ANKRD11: variants seen among roughly 807,000 people sequenced by gnomAD.
ANKRD11 encodes the protein ankyrin repeat domain 11, also known as ankyrin repeat domain-containing protein 11.
Under a neutral mutation model 195.7 loss-of-function variants are expected in ANKRD11, and 17 were observed. The observed-to-expected ratio is 0.09, with a 90% CI of 0.06 to 0.13. The LOEUF is 0.13. ANKRD11 is among the 10% of genes least tolerant of loss of function. ANKRD11 has a pLI of 1.00. For missense variants in ANKRD11, 3,735 were observed against 3,566.1 expected, an observed-to-expected ratio of 1.05 and a Z score of -1.21; for synonymous variants, 1,953 against 1,528.1, an observed-to-expected ratio of 1.28 and a Z score of -6.49.
chr16:89,430,715 T>TGA (rs1157345671), intron 1 of ANKRD11, among the ~76,000 whole-genome samples: 2 of 152,230 alleles, frequency 1.3e-5, no homozygotes, highest in Non-Finnish European at 2.9e-5. Context: ...TCCCCTATCT[T>TGA]GAAACACTAC....
chr16:89,279,970 G>A lies in ANKRD11; in HGVS notation c.6572C>T (p.Pro2191Leu), dbSNP rs749486628. The A allele has an allele frequency of 1.9e-6, 3 of 1,610,640 alleles. No homozygotes were observed. The highest frequency in any genetic ancestry group is 1.3e-5 in the African/African-American group (1 of 74,928). ...TVVAEEPPAL[P>L]PDQASTRLPA... ...GAGCCGGGTGGAGGCCTGGTCAGGA[G>A]GCAGTGCCGGCGGCTCCTCAGCCAC... Residue 2191 changes from proline (P) to leucine (L), a missense_variant, in exon 9 of 13, where the codon CCT becomes CTT. Coordinates refer to ENST00000301030, the MANE Select transcript of ANKRD11 (RefSeq NM_013275.6). This position sits in a 1 kb window ranked among gnomAD's most constrained non-coding sequence, Gnocchi z 5.6.
chr16:89,301,728 C>T (rs983137377), intron 4 of ANKRD11: 1 of 398,418 alleles, frequency 2.5e-6, no homozygotes, highest in Non-Finnish European at 4.4e-6. Context: ...TGCACAGCCT[C>T]GGGGACTGCT....
chr16:89,313,327 G>C, intron 3 of ANKRD11: 1 of 1,287,318 alleles, frequency 7.8e-7, no homozygotes, highest in Non-Finnish European at 1.0e-6. Context: ...CTTTGGATCA[G>C]AACACACTCA....
chr16:89,417,492 A>AAAG, intron 2 of ANKRD11, among the ~76,000 whole-genome samples: 1 of 152,184 alleles, frequency 6.6e-6, no homozygotes, highest in African/African-American at 2.4e-5. Context: ...AGCCAAGGCC[A>AAAG]AAGTCTTTTT....
intron 1 of ANKRD11, among the ~76,000 whole-genome samples, chr16:89,465,463 G>T (rs1452645020): frequency 2.0e-5 from 3 of 152,158 alleles, no homozygotes; most frequent in Non-Finnish European, 4.4e-5. Flanking sequence ...CACTCTTGCC[G>T]TGAAGAGCAG....
intron 2 of ANKRD11, among the ~76,000 whole-genome samples, chr16:89,349,134 T>A (rs76998839): frequency 0.022 from 364 of 16,530 alleles, no homozygotes; most frequent in Middle Eastern, 0.14. Context: ...TCTCAAAAAG[T>A]AAAAAAAAAA....
chr16:89,488,632 G>C (rs1209357789), intron 1 of ANKRD11, among the ~76,000 whole-genome samples: 1 of 152,144 alleles, frequency 6.6e-6, no homozygotes, highest in African/African-American at 2.4e-5. Context: ...GACTAGGTCT[G>C]CACACAACAA....
At chr16:89,288,075 G>C in intron 7 of ANKRD11, 1 of 565,688 alleles carries the variant, frequency 1.8e-6, no homozygotes, top group Non-Finnish European at 3.1e-6. Flanking sequence ...CTCCTGGGCC[G>C]GCCACAATGG....
intron 2 of ANKRD11, among the ~76,000 whole-genome samples, chr16:89,328,655 G>A (rs186686329): frequency 6.1e-4 from 91 of 148,186 alleles, no homozygotes; most frequent in African/African-American, 2.3e-3. Context: ...CGAAATCAGC[G>A]GAGGCCCCTG....
At chr16:89,408,656 G>A (rs865938369) in intron 2 of ANKRD11, among the ~76,000 whole-genome samples, 2 of 151,434 alleles carry the variant, frequency 1.3e-5, no homozygotes, top group Non-Finnish European at 2.9e-5. Flanking sequence ...GCCCCTCCTC[G>A]CACCCCCTGC....
chr16:89,483,915 C>T (rs2057524167), intron 1 of ANKRD11, among the ~76,000 whole-genome samples: 1 of 151,508 alleles, frequency 6.6e-6, no homozygotes, highest in African/African-American at 2.4e-5. Context: ...CTCAAAGTAA[C>T]AAAAATATCT....
At chr16:89,487,833 C>A (rs1407037450) in intron 1 of ANKRD11, among the ~76,000 whole-genome samples, 1 of 152,156 alleles carries the variant, frequency 6.6e-6, no homozygotes. Flanking sequence ...TACTGTCCAA[C>A]ACAAACAGCA....
At chr16:89,388,035 G>A (rs2041001429) in intron 2 of ANKRD11, among the ~76,000 whole-genome samples, 1 of 151,370 alleles carries the variant, frequency 6.6e-6, no homozygotes, top group Non-Finnish European at 1.5e-5. Context: ...AAAGGACTGT[G>A]CTCATCTGTT....
chr16:89,352,617 T>C (rs1454663066), intron 2 of ANKRD11, among the ~76,000 whole-genome samples: 2 of 152,128 alleles, frequency 1.3e-5, no homozygotes, highest in African/African-American at 4.8e-5. Flanking sequence ...CTGTGGTAGA[T>C]CTTTGAAGGG....
In ANKRD11 at chr16:89,429,090, T is replaced by C. The variant is rs115682650; in HGVS notation, c.-144-10722A>G. 2.7e-3 allele frequency among the ~76,000 whole-genome samples: 400 copies of C among 149,868 alleles called. 4 individuals are homozygous for C. The highest frequency in any genetic ancestry group is 8.7e-3 in the African/African-American group (348 of 40,076). On this transcript the variant is annotated intron_variant, in intron 1 of 12. Transcript: ENST00000301030. ...ACAGCAACGTCCCTGCAGCGTGGGA[T>C]TCTCAACTCTCACGCTCAGACGTTC...
intron 3 of ANKRD11, among the ~76,000 whole-genome samples, chr16:89,311,586 T>G (rs973673877): frequency 2.0e-5 from 3 of 152,156 alleles, no homozygotes; most frequent in African/African-American, 4.8e-5. Flanking sequence ...TAACTAGAAA[T>G]GGATCATAGA....
At chr16:89,402,499 G>A (rs1257248622) in intron 2 of ANKRD11, among the ~76,000 whole-genome samples, 1 of 151,976 alleles carries the variant, frequency 6.6e-6, no homozygotes, top group Non-Finnish European at 1.5e-5. Flanking sequence ...GGGAATGACA[G>A]GGAGACCCCG....
intron 1 of ANKRD11, among the ~76,000 whole-genome samples, chr16:89,489,619 G>A (rs559203373): frequency 2.0e-3 from 308 of 152,048 alleles, no homozygotes; most frequent in African/African-American, 7.2e-3. Context: ...GCACGGCGAA[G>A]GCGCCCCTCT....
rs975082169 is a variant in ANKRD11 at position 89,473,166 on chromosome 16, C to G, written c.-145+17079G>C. 7.2e-5 allele frequency among the ~76,000 whole-genome samples: 10 copies of G among 138,864 alleles called. 1 individual carries two copies. The Admixed American group carries it at 7.5e-4, about 10-fold the overall frequency. 91.1% of individuals were successfully genotyped at this position (138,864 alleles called of 152,430 possible). ...CTGCCCTCCAGCCGAGGCAAGAAAG[C>G]AAGACCCTGCCTCAAAAAAAAAAAA... On this transcript the variant is annotated intron_variant, in intron 1 of 12. Transcript: ENST00000301030.
Sources: allele counts gnomAD v4.1 joint callset (sites outside exome capture counted in the v4.1 genomes callset), GRCh38; gene constraint gnomAD v4.1.1; non-coding constraint Gnocchi (gnomAD v3.1); transcripts MANE v1.5; gene names NCBI Gene and HGNC (gene_info 2026-07-23, HGNC 2026-07-21).